Variants in ATP5MG observed in about 807,000 individuals in gnomAD.
ATP5MG encodes the protein ATP synthase membrane subunit g, also known as ATP synthase F(0) complex subunit g, mitochondrial.
In ATP5MG, 7 loss-of-function variants were observed where a neutral mutation model predicts 12.7. The observed-to-expected ratio is 0.55, with a 90% confidence interval of 0.31 to 1.04. The LOEUF is 1.04. Among genes scored for constraint, ATP5MG ranks in the 50% least tolerant of loss-of-function variants. The pLI, the probability that ATP5MG is intolerant of heterozygous loss-of-function variation, is 0.05. For synonymous variants in ATP5MG, 53 were observed against 48.2 expected, an observed-to-expected ratio of 1.10 and a Z score of -0.41; for missense variants, 116 against 126.7, an observed-to-expected ratio of 0.92 and a Z score of 0.41.
Position 118,407,065 on chromosome 11 carries a change from C to T in ATP5MG, c.181C>T (p.Gln61Ter), listed in dbSNP as rs1555132231. 1 of 1,614,156 alleles carries T rather than the reference C, an allele frequency of 6.2e-7. No homozygotes were observed. Among genetic ancestry groups the T allele is most frequent in the Admixed American group, 1.7e-5 (1 of 60,024 alleles). Residue 61 changes from glutamine to a stop codon, truncating the protein, a stop_gained, in exon 2 of 3, where the codon CAG becomes TAG. Coordinates refer to ENST00000300688, the MANE Select transcript of ATP5MG (RefSeq NM_006476.5). LOFTEE classifies it high-confidence loss of function. ...QSLKKIVNSA[Q>*]TGSFKQLTVK... ...CCTGAAAAAAATAGTCAATAGTGCT[C>T]AGACTGGTAGCTTCAAACAGCTCAC...
rs374974814 is a variant in ATP5MG, at chr11:118,409,035, G to T, written c.249G>T (p.Val83=). The change falls in exon 3 of 3, where the codon GTG becomes GTT. Residue 83 remains valine (V), a synonymous_variant. Transcript: ENST00000300688. ...AVLNGLVATE[V]LMWFYVGEII... is the part of the protein sequence containing the mutation. ...TGAATGGTTTGGTGGCCACTGAGGT[G>T]TTGATGTGGTTTTATGTCGGAGAGA... The T allele has an allele frequency of 3.1e-6, 5 of 1,607,072 alleles. No homozygotes were observed. In the African/African-American group the frequency reaches 6.7e-5, roughly 22 times the overall value.
intron 1 of ATP5MG, 100 bp from the exon 2 acceptor site, chr11:118,406,837 G>A: frequency 6.7e-7 from 1 of 1,488,074 alleles, no homozygotes; most frequent in Non-Finnish European, 9.0e-7. Flanking sequence ...GAATGAAGGT[G>A]ATGCATGAAT....
In ATP5MG at chr11:118,409,041, G is replaced by A. The variant is rs1282292528; in HGVS notation, c.255G>A (p.Met85Ile). 1 of 1,607,646 alleles carries A rather than the reference G, an allele frequency of 6.2e-7. No homozygotes were observed. Among genetic ancestry groups the A allele is most frequent in the East Asian group, 2.2e-5 (1 of 44,466 alleles). ...LNGLVATEVL[M>I]WFYVGEIIGK... ...GTTTGGTGGCCACTGAGGTGTTGAT[G>A]TGGTTTTATGTCGGAGAGATTATAG... The change falls in exon 3 of 3, where the codon ATG (methionine) becomes ATA (isoleucine). Residue 85 changes from methionine to isoleucine, a missense_variant. Transcript: ENST00000300688.
At chr11:118,407,178 A>G (rs1948980213) in intron 2 of ATP5MG, 81 bp downstream of exon 2, 1 of 1,566,858 alleles carries the variant, frequency 6.4e-7, no homozygotes, top group Non-Finnish European at 8.6e-7. Flanking sequence ...TTTGATTAAT[A>G]TATATGTTTC....
intron 1 of ATP5MG, chr11:118,406,518 C>T: frequency 1.0e-5 from 2 of 194,456 alleles, no homozygotes; most frequent in South Asian, 9.5e-5. Flanking sequence ...ATTCTAAATC[C>T]TTCATCCCTT....
chr11:118,403,803 A>C (rs1555131644), intron 1 of ATP5MG: 1 of 151,914 alleles, frequency 6.6e-6, no homozygotes, highest in Non-Finnish European at 1.5e-5. Context: ...AAAAAAAAAA[A>C]AAAAAAACTA....
intron 1 of ATP5MG, among the ~76,000 whole-genome samples, chr11:118,402,677 A>G (rs1229105511): frequency 3.0e-5 from 4 of 135,500 alleles, no homozygotes; most frequent in South Asian, 2.5e-4. Flanking sequence ...TGGTTTGGGT[A>G]TTTTCTTTTT....
At chr11:118,406,858 GTCC>G in intron 1 of ATP5MG, 76 bp from the exon 2 acceptor site, 1 of 1,524,334 alleles carries the variant, frequency 6.6e-7, no homozygotes. Flanking sequence ...AAATATTTGT[GTCC>G]AGCCCACACA....
At chr11:118,405,861 A>G (rs1555132001) in intron 1 of ATP5MG, among the ~76,000 whole-genome samples, 1 of 152,082 alleles carries the variant, frequency 6.6e-6, no homozygotes, top group African/African-American at 2.4e-5. Flanking sequence ...TATTTTTATT[A>G]CGTTTCTCTT....
rs73613966 is a variant in ATP5MG, at chr11:118,403,863, A to C, written c.52+2146A>C. The C allele has an allele frequency of 1.8e-3, 269 of 152,052 alleles. 1 individual carries two copies. Among genetic ancestry groups the C allele is most frequent in the African/African-American group, 6.3e-3 (263 of 41,492 alleles). The allele number at this position is 152,052 out of a possible 1,614,324, so 9.4% of individuals were successfully genotyped here. On this transcript the variant is annotated intron_variant, in intron 1 of 2. Transcript: ENST00000300688. ...CACTCTGGACTTTGTGGGTGATTTA[A>C]GGCACAATTCTTAATATTTCAAGTG...
At chr11:118,406,615 T>C in intron 1 of ATP5MG, 1 of 253,296 alleles carries the variant, frequency 3.9e-6, no homozygotes, top group Non-Finnish European at 7.8e-6. Flanking sequence ...ATCCAATTCC[T>C]AGCATCTTTA....
In ATP5MG at chr11:118,406,599, T is replaced by A; in HGVS notation, c.53-338T>A. Reference sequence around the variant, plus strand: ...ATGAATAAATTGACTGTTCTCTTGTTTTTAAATCCAATTCCTAGCATCTTT... The same window carrying A: ...ATGAATAAATTGACTGTTCTCTTGTATTTAAATCCAATTCCTAGCATCTTT... On this transcript the variant is annotated intron_variant, in intron 1 of 2. Coordinates refer to ENST00000300688, the MANE Select transcript of ATP5MG (RefSeq NM_006476.5). The A allele has an allele frequency of 2.6e-5, 6 of 232,460 alleles. No homozygotes were observed. In the South Asian group the frequency reaches 4.2e-4, roughly 16 times the overall value. The allele number at this position is 232,460 out of a possible 1,614,324, so 14.4% of individuals were successfully genotyped here. A position where few individuals can be genotyped will look rare whatever the true frequency, so the allele number is the denominator to read the frequency against.
At chr11:118,403,452 C>T (rs1555131522) in intron 1 of ATP5MG, among the ~76,000 whole-genome samples, 1 of 151,474 alleles carries the variant, frequency 6.6e-6, no homozygotes. Context: ...GTCAGGATTG[C>T]ACCACTGCAT....
intron 1 of ATP5MG, chr11:118,403,823 A>G (rs1555131654): frequency 6.6e-6 from 1 of 151,950 alleles, no homozygotes; most frequent in Non-Finnish European, 1.5e-5. Context: ...AAAGAGAAAA[A>G]AGGATTAGAG....
chr11:118,403,224 G>A (rs71482143), intron 1 of ATP5MG, among the ~76,000 whole-genome samples: 74 of 152,296 alleles, frequency 4.9e-4, no homozygotes, highest in African/African-American at 1.7e-3. Context: ...GCCCTGCGGC[G>A]GTAGCTTACG....
At chr11:118,401,918 T>C (rs572767403) in intron 1 of ATP5MG, 2 of 610,428 alleles carry the variant, frequency 3.3e-6, no homozygotes, top group African/African-American at 3.7e-5. Flanking sequence ...TTGGGTTCTC[T>C]ACACAACCTA....
chr11:118,407,297 C>A, intron 2 of ATP5MG, 200 bp downstream of exon 2: 1 of 807,604 alleles, frequency 1.2e-6, no homozygotes, highest in Non-Finnish European at 1.8e-6. Context: ...CATTTTATGT[C>A]TTAGTTTCCT....
chr11:118,407,606 G>C (rs531905632), intron 2 of ATP5MG: 1 of 158,382 alleles, frequency 6.3e-6, no homozygotes, highest in African/African-American at 2.4e-5. Flanking sequence ...GTCACTTCCT[G>C]CCTGTAATCC....
intron 1 of ATP5MG, among the ~76,000 whole-genome samples, chr11:118,403,143 C>T (rs1555131421): frequency 6.6e-6 from 1 of 152,330 alleles, no homozygotes; most frequent in East Asian, 1.9e-4. Context: ...GCAAGAAAAT[C>T]TTTTACTTTA....
Sources: allele counts gnomAD v4.1 joint callset (sites outside exome capture counted in the v4.1 genomes callset), GRCh38; gene constraint gnomAD v4.1.1; transcripts MANE v1.5; gene names NCBI Gene and HGNC (gene_info 2026-07-23, HGNC 2026-07-21).